The following CAMTA1 variants were observed in gnomAD, a reference collection of about 807,000 sequenced individuals.
The protein encoded by CAMTA1 is calmodulin binding transcription activator 1, also known as calmodulin-binding transcription activator 1.
In CAMTA1, 27 loss-of-function variants were observed where a neutral mutation model predicts 170.9. The ratio of observed to expected loss-of-function variants is 0.16; its 90% CI spans 0.12 to 0.22. The LOEUF (loss-of-function observed/expected upper bound fraction) is 0.22, where lower values mean the gene tolerates loss of function less well. Ranked by LOEUF, CAMTA1 falls within the 10% of genes least tolerant of loss-of-function variation. The probability of loss-of-function intolerance (pLI) is 1.00; values close to 1 mark genes in which losing one functional copy is unlikely to be tolerated. For synonymous variants in CAMTA1, 833 were observed against 891.5 expected, an observed-to-expected ratio of 0.93 and a Z score of 1.17; for missense variants, 1,619 against 2,217.2, an observed-to-expected ratio of 0.73 and a Z score of 5.42.
rs1184805606 is a variant in CAMTA1 at position 7,038,797 on chromosome 1, T to C, written c.235-52507T>C. On this transcript the variant is annotated intron_variant, in intron 3 of 22. Coordinates refer to ENST00000303635, the MANE Select transcript of CAMTA1 (RefSeq NM_015215.4). ...GCTCACGCCTGTAATCCCAGCACTT[T>C]GGGAGGCCGAGGTGGGCAGATCACT... 2.6e-5 allele frequency among the ~76,000 whole-genome samples: 4 copies of C among 152,352 alleles called. No homozygotes were observed. In the East Asian group the frequency reaches 7.7e-4, roughly 29 times the overall value.
chr1:6,841,841 C>CA (rs1409501020), intron 3 of CAMTA1, among the ~76,000 whole-genome samples: 1 of 152,180 alleles, frequency 6.6e-6, no homozygotes, highest in African/African-American at 2.4e-5. Flanking sequence ...GCAGAAGGTA[C>CA]TGATGACTCC....
At chr1:6,833,275 T>C (rs1471639916) in intron 3 of CAMTA1, among the ~76,000 whole-genome samples, 1 of 152,228 alleles carries the variant, frequency 6.6e-6, no homozygotes, top group African/African-American at 2.4e-5. Flanking sequence ...ATACTATTAC[T>C]TCAGCATGTG....
chr1:7,221,972 C>T (rs1660883283), intron 4 of CAMTA1, among the ~76,000 whole-genome samples: 1 of 151,150 alleles, frequency 6.6e-6, no homozygotes, highest in South Asian at 2.1e-4. Context: ...TCCTCGGTTG[C>T]CTGGGAGGCA....
intron 1 of CAMTA1, among the ~76,000 whole-genome samples, chr1:6,798,839 G>A (rs934420554): frequency 6.6e-6 from 1 of 151,528 alleles, no homozygotes; most frequent in South Asian, 2.1e-4. Flanking sequence ...CTCATGATCC[G>A]TCCGCCTCTG....
Position 7,195,088 on chromosome 1 carries a change from A to G in CAMTA1, c.303-54403A>G, listed in dbSNP as rs994330841. On this transcript the variant is annotated intron_variant, in intron 4 of 22. Coordinates refer to ENST00000303635, the MANE Select transcript of CAMTA1 (RefSeq NM_015215.4). The surrounding 1 kb of genome is among the most constrained non-coding windows in gnomAD (Gnocchi z 4.1). ...CTGGTTTAATGGTGAAAACAGCCAA[A>G]CACACAAATAAGCAAACACGCACAT... 1.3e-5 allele frequency among the ~76,000 whole-genome samples: 2 copies of G among 152,218 alleles called. No homozygotes were observed. The highest frequency in any genetic ancestry group is 4.8e-5 in the African/African-American group (2 of 41,456).
chr1:6,820,314 A>G, intron 2 of CAMTA1, 64 bp downstream of exon 2: 2 of 1,561,518 alleles, frequency 1.3e-6, no homozygotes, highest in Non-Finnish European at 1.8e-6. Flanking sequence ...AGTAATTATC[A>G]TCTAGTACAG....
chr1:7,460,574 C>T (rs1311172051), intron 5 of CAMTA1, among the ~76,000 whole-genome samples: 3 of 144,962 alleles, frequency 2.1e-5, no homozygotes, highest in East Asian at 2.1e-4. Context: ...CAGGATGCCC[C>T]GTTCTGGAGG....
chr1:7,745,146 A>T (rs2096847972), intron 17 of CAMTA1, 124 bp downstream of exon 17: 1 of 948,034 alleles, frequency 1.1e-6, no homozygotes, highest in African/African-American at 1.7e-5. Flanking sequence ...GGAAGGAAGC[A>T]TGAGGACAAG....
At chr1:7,095,624 C>T (rs1265703515) in intron 4 of CAMTA1, among the ~76,000 whole-genome samples, 1 of 152,252 alleles carries the variant, frequency 6.6e-6, no homozygotes, top group Admixed American at 6.5e-5. Context: ...CTCCTCTATT[C>T]CTCTCCGCCT....
At position 7,322,575 on chromosome 1, in the gene CAMTA1, G is replaced by A. The variant is rs117424065; in HGVS notation, c.438+72949G>A. ...CAACAAGAATTCTCAGACACTGCTG[G>A]TGGGGATGTAAAATGCTCAAGCCAC... On this transcript the variant is annotated intron_variant, in intron 5 of 22. Transcript: ENST00000303635. Among the ~76,000 whole-genome samples, 42 of 152,340 alleles carry A rather than the reference G, an allele frequency of 2.8e-4. No individual in the cohort carries two copies. The East Asian group carries it at 7.3e-3, about 27-fold the overall frequency.
intron 5 of CAMTA1, among the ~76,000 whole-genome samples, chr1:7,250,260 T>C (rs1235415635): frequency 1.3e-5 from 2 of 152,214 alleles, no homozygotes; most frequent in African/African-American, 4.8e-5. Context: ...TGGGCAGCCA[T>C]GGAGAAATTC....
intron 5 of CAMTA1, among the ~76,000 whole-genome samples, chr1:7,412,676 T>A (rs2090871536): frequency 6.6e-6 from 1 of 152,174 alleles, no homozygotes; most frequent in African/African-American, 2.4e-5. Context: ...GATGAGTAGG[T>A]TGCGAAAATT....
At chr1:7,500,306 G>A (rs1335529656) in intron 6 of CAMTA1, among the ~76,000 whole-genome samples, 1 of 145,768 alleles carries the variant, frequency 6.9e-6, no homozygotes, top group Non-Finnish European at 1.5e-5. Flanking sequence ...GTGTGTGCAT[G>A]TGTGTCCGTG....
rs1318636525 is a variant in CAMTA1, at chr1:7,674,125, G to C, written c.2779+3088G>C. Among the ~76,000 whole-genome samples, 1 of 152,164 alleles carries C rather than the reference G, an allele frequency of 6.6e-6. No homozygotes were observed. The stretch of plus-strand genomic sequence containing the variant: ...TGAGCACAAGCCAGGAACGACACGG[G>C]AGGAGGGGGCACTGGCAACACAGTT... On this transcript the variant is annotated intron_variant, in intron 10 of 22. Transcript: ENST00000303635. The surrounding 1 kb of genome is among the most constrained non-coding windows in gnomAD (Gnocchi z 4.1).
chr1:7,262,423 G>A (rs576033041), intron 5 of CAMTA1, among the ~76,000 whole-genome samples: 6 of 152,288 alleles, frequency 3.9e-5, no homozygotes, highest in South Asian at 4.1e-4. Context: ...TTAGCCGGGC[G>A]TGGTGGCGCA....
rs111394532 is a variant in CAMTA1, at chr1:6,970,494, G to T, written c.235-120810G>T. Among the ~76,000 whole-genome samples the T allele has an allele frequency of 3.8e-3, 585 of 152,238 alleles. 6 individuals are homozygous for T. The highest frequency in any genetic ancestry group is 0.012 in the African/African-American group (513 of 41,534). On this transcript the variant is annotated intron_variant, in intron 3 of 22. Transcript: ENST00000303635. This position sits in a 1 kb window ranked among gnomAD's most constrained non-coding sequence, Gnocchi z 4.4. ...GTAATGGGGGTTCTTGCCAGGCCAG[G>T]GACTCTCGGCTTGGAGGGGGTCACT...
chr1:7,087,280 A>G lies in CAMTA1; in HGVS notation c.235-4024A>G, dbSNP rs146941968. On this transcript the variant is annotated intron_variant, in intron 3 of 22. Transcript: ENST00000303635. Reference sequence around the variant, plus strand: ...GTGTGTTGCTTTTTCCCTGCTTCCTATGATGTTTTAAGCAAAGGGCTCCAT... The same window carrying G: ...GTGTGTTGCTTTTTCCCTGCTTCCTGTGATGTTTTAAGCAAAGGGCTCCAT... 4.6e-5 allele frequency among the ~76,000 whole-genome samples: 7 copies of G among 152,116 alleles called. No individual in the cohort carries two copies. In the East Asian group the frequency reaches 1.2e-3, roughly 25 times the overall value.
chr1:7,447,745 A>C (rs1381723773), intron 5 of CAMTA1, among the ~76,000 whole-genome samples: 1 of 152,098 alleles, frequency 6.6e-6, no homozygotes, highest in African/African-American at 2.4e-5. Flanking sequence ...CCCCAGCCTG[A>C]ATGCAGCCCT....
intron 6 of CAMTA1, among the ~76,000 whole-genome samples, chr1:7,503,673 GCT>G (rs2094048537): frequency 6.6e-6 from 1 of 152,218 alleles, no homozygotes; most frequent in Non-Finnish European, 1.5e-5. Flanking sequence ...GCACCTGAAG[GCT>G]CTCTCAGGGT....
Sources: allele counts gnomAD v4.1 joint callset (sites outside exome capture counted in the v4.1 genomes callset), GRCh38; gene constraint gnomAD v4.1.1; non-coding constraint Gnocchi (gnomAD v3.1); transcripts MANE v1.5; gene names NCBI Gene and HGNC (gene_info 2026-07-23, HGNC 2026-07-21).